Variants in SH3RF1 observed in about 807,000 individuals in gnomAD.
SH3RF1 encodes the protein SH3 domain containing ring finger 1.
SH3RF1 carries 32 observed loss-of-function variants against 74.0 expected under a neutral mutation model. That is an observed-to-expected ratio of 0.43 (90% CI 0.33 to 0.58). The LOEUF is 0.58. Among genes scored for constraint, SH3RF1 ranks in the 20% least tolerant of loss-of-function variants. The pLI is 0.05. For missense variants in SH3RF1, 954 were observed against 1,130.9 expected (o/e 0.84, Z 2.24); for synonymous variants, 396 against 439.6 (o/e 0.90, Z 1.24).
At chr4:169,121,949 G>A in intron 7 of SH3RF1, 151 bp downstream of exon 7, 3 of 930,390 alleles carry the variant, frequency 3.2e-6, no homozygotes, top group Non-Finnish European at 4.7e-6. Flanking sequence ...CTAGTTACAT[G>A]CATGACCAGG....
chr4:169,120,378 T>G (rs977777845), intron 8 of SH3RF1, among the ~76,000 whole-genome samples: 5 of 152,276 alleles, frequency 3.3e-5, no homozygotes, highest in Admixed American at 2.0e-4. Flanking sequence ...GTATGATATC[T>G]CTGTGCCTCA....
intron 4 of SH3RF1, among the ~76,000 whole-genome samples, chr4:169,140,423 A>G (rs370406883): frequency 6.6e-6 from 1 of 152,190 alleles, no homozygotes; most frequent in Non-Finnish European, 1.5e-5. Context: ...TTTGGTAAGG[A>G]GCTTTGATAA....
At chr4:169,189,478 G>A (rs920992160) in intron 2 of SH3RF1, among the ~76,000 whole-genome samples, 18 of 152,202 alleles carry the variant, frequency 1.2e-4, no homozygotes, top group Non-Finnish European at 2.9e-5. Flanking sequence ...GCCAGGGCAG[G>A]AAAGAACTAC....
intron 2 of SH3RF1, among the ~76,000 whole-genome samples, chr4:169,255,452 A>T (rs1277867275): frequency 6.6e-6 from 1 of 152,062 alleles, no homozygotes; most frequent in Non-Finnish European, 1.5e-5. Flanking sequence ...TAACCAAAAC[A>T]TGGAAAAACT....
At chr4:169,121,491 GAATTTGAA>G (rs951043515) in intron 7 of SH3RF1, among the ~76,000 whole-genome samples, 10 of 152,228 alleles carry the variant, frequency 6.6e-5, no homozygotes, top group South Asian at 2.1e-4. Flanking sequence ...GAAAAAGACT[GAATTTGAA>G]AAAATCAAGG....
At chr4:169,138,337 A>G (rs1301333332) in intron 4 of SH3RF1, among the ~76,000 whole-genome samples, 1 of 152,208 alleles carries the variant, frequency 6.6e-6, no homozygotes. Context: ...AGGAGCCTGG[A>G]AACAAAGCAG....
intron 11 of SH3RF1, 75 bp from the exon 12 acceptor site, chr4:169,096,762 C>A: frequency 1.5e-6 from 2 of 1,348,174 alleles, no homozygotes; most frequent in Non-Finnish European, 1.0e-6. Flanking sequence ...TTAGTCTGCA[C>A]GAACCTTCAA....
chr4:169,260,572 C>T lies in SH3RF1; in HGVS notation c.393+8248G>A, dbSNP rs372294774. On this transcript the variant is annotated intron_variant, in intron 2 of 11. Transcript: ENST00000284637. Reference sequence around the variant, plus strand: ...TTTTCAAAGAAACTCAAGAACAAGACGGACCTCCAGCTAAAGCAAAACTAG... The same window carrying T: ...TTTTCAAAGAAACTCAAGAACAAGATGGACCTCCAGCTAAAGCAAAACTAG... 1.2e-4 allele frequency among the ~76,000 whole-genome samples: 19 copies of T among 152,324 alleles called. 1 individual carries two copies. The highest frequency in any genetic ancestry group is 4.1e-4 in the South Asian group (2 of 4,830).
intron 2 of SH3RF1, among the ~76,000 whole-genome samples, chr4:169,253,921 C>T (rs559257629): frequency 6.6e-6 from 1 of 152,294 alleles, no homozygotes; most frequent in East Asian, 1.9e-4. Flanking sequence ...CTCAGCAGAA[C>T]ATTCTTTCTA....
chr4:169,222,582 G>C (rs1579147157), intron 2 of SH3RF1, among the ~76,000 whole-genome samples: 1 of 150,980 alleles, frequency 6.6e-6, no homozygotes, highest in East Asian at 1.9e-4. Context: ...TAAGATAATA[G>C]AATTTCATTC....
intron 2 of SH3RF1, among the ~76,000 whole-genome samples, chr4:169,224,652 CTA>C (rs1216409784): frequency 8.5e-5 from 13 of 152,172 alleles, no homozygotes; most frequent in Non-Finnish European, 1.5e-5. Context: ...TCTCTGTCTA[CTA>C]TATGGAAAAC....
At chr4:169,156,075 T>C (rs1734045856) in intron 3 of SH3RF1, among the ~76,000 whole-genome samples, 1 of 152,216 alleles carries the variant, frequency 6.6e-6, no homozygotes, top group Non-Finnish European at 1.5e-5. Flanking sequence ...AGTAATGACA[T>C]TTCATTTTGT....
At chr4:169,145,001 C>A (rs896724432) in intron 4 of SH3RF1, among the ~76,000 whole-genome samples, 1 of 152,112 alleles carries the variant, frequency 6.6e-6, no homozygotes, top group Non-Finnish European at 1.5e-5. Flanking sequence ...AACCATCCAA[C>A]CAACGACCCA....
intron 4 of SH3RF1, among the ~76,000 whole-genome samples, chr4:169,146,233 T>A (rs768836172): frequency 0.018 from 1,514 of 83,392 alleles, 19 homozygotes; most frequent in Non-Finnish European, 0.024. Flanking sequence ...ATATATATAC[T>A]TTTTTTTTTT....
chr4:169,101,774 T>C (rs1454226738), intron 11 of SH3RF1, among the ~76,000 whole-genome samples: 1 of 151,578 alleles, frequency 6.6e-6, no homozygotes, highest in Non-Finnish European at 1.5e-5. Context: ...GTGGAGGCAT[T>C]ATGGGGTGAC....
chr4:169,229,965 G>A (rs1300304312), intron 2 of SH3RF1, among the ~76,000 whole-genome samples: 1 of 147,518 alleles, frequency 6.8e-6, no homozygotes, highest in Non-Finnish European at 1.5e-5. Flanking sequence ...CAACACTTTA[G>A]GAGGTGGAGA....
intron 2 of SH3RF1, among the ~76,000 whole-genome samples, chr4:169,191,841 T>C (rs918725296): frequency 3.3e-5 from 5 of 151,982 alleles, no homozygotes; most frequent in Non-Finnish European, 2.9e-5. Flanking sequence ...TGGCCACAGG[T>C]AGGAGAATGA....
At chr4:169,099,913 C>T (rs1732990485) in intron 11 of SH3RF1, among the ~76,000 whole-genome samples, 1 of 152,156 alleles carries the variant, frequency 6.6e-6, no homozygotes, top group African/African-American at 2.4e-5. Flanking sequence ...CGTATGAAGA[C>T]TACCAGGTGC....
rs1732928808 is a variant in SH3RF1 at position 169,096,347 on chromosome 4, A to T, written c.*172T>A. 1 of 644,688 alleles carries T rather than the reference A, an allele frequency of 1.6e-6. No homozygotes were observed. 39.9% of individuals were successfully genotyped at this position (644,688 alleles called of 1,614,324 possible). A position where few individuals can be genotyped will look rare whatever the true frequency, so the allele number is the denominator to read the frequency against. On this transcript the variant is annotated 3_prime_UTR_variant, in exon 12 of 12. Coordinates refer to ENST00000284637, the MANE Select transcript of SH3RF1 (RefSeq NM_020870.4). Reference sequence around the variant, plus strand: ...CCAGACTAACAAAACCCACACAAACATCTTCTTCATTCTGCTCGCTGGGGT... The same window carrying T: ...CCAGACTAACAAAACCCACACAAACTTCTTCTTCATTCTGCTCGCTGGGGT...
Sources: gnomAD v4.1 joint callset for allele counts (sites outside exome capture counted in the v4.1 genomes callset) on GRCh38, gnomAD v4.1.1 for gene constraint, MANE v1.5 for transcripts, NCBI Gene and HGNC (gene_info 2026-07-23, HGNC 2026-07-21) for gene names.